KLHL1: variants seen among roughly 807,000 people sequenced by gnomAD.
KLHL1 encodes the protein kelch-like protein 1.
In KLHL1, 47 loss-of-function variants were observed where a neutral mutation model predicts 77.7. The observed-to-expected ratio is 0.60, with a 90% CI of 0.48 to 0.77. KLHL1 has a LOEUF of 0.77. KLHL1 is among the 30% of genes least tolerant of loss of function. The probability of loss-of-function intolerance (pLI) is 0.00; values close to 1 mark genes in which losing one functional copy is unlikely to be tolerated. For missense variants in KLHL1, 925 were observed against 910.8 expected, an observed-to-expected ratio of 1.02 and a Z score of -0.20; for synonymous variants, 360 against 325.2, an observed-to-expected ratio of 1.11 and a Z score of -1.15.
At chr13:69,761,270 G>C (rs1260182806) in intron 7 of KLHL1, among the ~76,000 whole-genome samples, 2 of 152,250 alleles carry the variant, frequency 1.3e-5, no homozygotes, top group East Asian at 3.9e-4. Context: ...CAGAAATTGA[G>C]ATGCAGAAAT....
At chr13:70,025,560 C>A (rs184401243) in intron 1 of KLHL1, among the ~76,000 whole-genome samples, 1 of 151,722 alleles carries the variant, frequency 6.6e-6, no homozygotes, top group East Asian at 1.9e-4. Flanking sequence ...TTGTTTCCCC[C>A]AAAGTATTTG....
intron 7 of KLHL1, among the ~76,000 whole-genome samples, chr13:69,753,409 A>G (rs1566214213): frequency 6.6e-6 from 1 of 152,174 alleles, no homozygotes; most frequent in Non-Finnish European, 1.5e-5. Flanking sequence ...ACCTGGCTCC[A>G]GCCTTTAGGA....
intron 1 of KLHL1, among the ~76,000 whole-genome samples, chr13:70,046,184 C>T (rs924832550): frequency 6.6e-6 from 1 of 151,484 alleles, no homozygotes; most frequent in African/African-American, 2.4e-5. Flanking sequence ...GGACCAGTAA[C>T]ATTTCTTGTG....
intron 3 of KLHL1, among the ~76,000 whole-genome samples, chr13:69,947,182 A>G (rs777244865): frequency 6.6e-6 from 1 of 151,652 alleles, no homozygotes; most frequent in African/African-American, 2.4e-5. Flanking sequence ...TCTTCCTTTA[A>G]GCTCTTTCAG....
chr13:69,746,626 G>A (rs7999565), intron 7 of KLHL1, among the ~76,000 whole-genome samples: 64,666 of 151,362 alleles, frequency 0.43, 14,076 homozygotes, highest in African/African-American at 0.46. Context: ...TCTTTCTCCA[G>A]TATTTTTGTT....
chr13:70,006,744 G>C (rs1885416985), intron 1 of KLHL1, among the ~76,000 whole-genome samples: 1 of 151,798 alleles, frequency 6.6e-6, no homozygotes, highest in African/African-American at 2.4e-5. Flanking sequence ...CATGGCAAAG[G>C]TACATGCTGA....
intron 1 of KLHL1, among the ~76,000 whole-genome samples, chr13:70,014,083 A>T (rs1342382529): frequency 6.6e-6 from 1 of 152,124 alleles, no homozygotes. Context: ...ACAAAATTGA[A>T]TACTAACAAG....
chr13:69,881,193 G>A (rs756062606), intron 5 of KLHL1, among the ~76,000 whole-genome samples: 1 of 151,944 alleles, frequency 6.6e-6, no homozygotes, highest in Non-Finnish European at 1.5e-5. Flanking sequence ...AGCAGCCAAA[G>A]GATATATAAT....
At chr13:69,936,716 G>C (rs1046934051) in intron 4 of KLHL1, among the ~76,000 whole-genome samples, 1 of 151,370 alleles carries the variant, frequency 6.6e-6, no homozygotes, top group Non-Finnish European at 1.5e-5. Flanking sequence ...TATGAATAGA[G>C]AATTGAAGGT....
chr13:69,921,413 T>C (rs867958008), intron 4 of KLHL1, among the ~76,000 whole-genome samples: 2 of 152,312 alleles, frequency 1.3e-5, no homozygotes, highest in South Asian at 4.1e-4. Flanking sequence ...GCTATATAAA[T>C]GTTGTCAGAT....
chr13:69,831,259 G>A (rs1442819482), intron 6 of KLHL1, among the ~76,000 whole-genome samples: 1 of 149,874 alleles, frequency 6.7e-6, no homozygotes, highest in Admixed American at 6.7e-5. Context: ...AAATGAAACA[G>A]GAGATATTAC....
At chr13:69,840,565 C>G (rs1448703209) in intron 5 of KLHL1, among the ~76,000 whole-genome samples, 1 of 151,782 alleles carries the variant, frequency 6.6e-6, no homozygotes, top group East Asian at 1.9e-4. Flanking sequence ...ATATTAGTTA[C>G]TAGATGCTTT....
chr13:69,861,930 A>T (rs1427371800), intron 5 of KLHL1, among the ~76,000 whole-genome samples: 1 of 150,910 alleles, frequency 6.6e-6, no homozygotes, highest in African/African-American at 2.4e-5. Flanking sequence ...ACACCATTGC[A>T]CTCCAGCCTG....
At chr13:70,040,945 T>C (rs960894605) in intron 1 of KLHL1, among the ~76,000 whole-genome samples, 5 of 149,538 alleles carry the variant, frequency 3.3e-5, no homozygotes, top group African/African-American at 1.3e-4. Flanking sequence ...TCTCTCTGTT[T>C]GTTTTACAGA....
At chr13:69,722,475 C>T (rs938453703) in intron 8 of KLHL1, among the ~76,000 whole-genome samples, 1 of 151,718 alleles carries the variant, frequency 6.6e-6, no homozygotes, top group East Asian at 1.9e-4. Flanking sequence ...TAGGTCTGTT[C>T]AGATTTTGGA....
intron 1 of KLHL1, among the ~76,000 whole-genome samples, chr13:70,054,625 G>C (rs964317863): frequency 6.6e-6 from 1 of 151,746 alleles, no homozygotes; most frequent in African/African-American, 2.4e-5. Context: ...CAGACAGAGA[G>C]TTTAAAATAG....
chr13:70,066,104 TA>T (rs1438029042), intron 1 of KLHL1, among the ~76,000 whole-genome samples: 1 of 152,188 alleles, frequency 6.6e-6, no homozygotes, highest in African/African-American at 2.4e-5. Flanking sequence ...TTAACTGAAC[TA>T]AATCAAGCAA....
chr13:70,072,486 C>T (rs1887158910), intron 1 of KLHL1, among the ~76,000 whole-genome samples: 1 of 151,940 alleles, frequency 6.6e-6, no homozygotes, highest in South Asian at 2.1e-4. Context: ...AATGATGTTA[C>T]GAAAAAGAAA....
chr13:69,943,605 A>G (rs568952823), intron 3 of KLHL1, among the ~76,000 whole-genome samples: 7 of 152,274 alleles, frequency 4.6e-5, no homozygotes, highest in Non-Finnish European at 8.8e-5. Context: ...AAAGTATTCT[A>G]TAGGTTACAG....
Sources: gnomAD v4.1 joint callset for allele counts (sites outside exome capture counted in the v4.1 genomes callset) on GRCh38, gnomAD v4.1.1 for gene constraint, MANE v1.5 for transcripts, NCBI Gene and HGNC (gene_info 2026-07-23, HGNC 2026-07-21) for gene names.